Variants in PARD3 observed in about 807,000 individuals in gnomAD.
The protein encoded by PARD3 is par-3 family cell polarity regulator.
PARD3 carries 75 observed loss-of-function variants against 155.4 expected under a neutral mutation model. The ratio of observed to expected loss-of-function variants is 0.48; its 90% CI spans 0.40 to 0.58. The LOEUF is 0.58. Ranked by LOEUF, PARD3 falls within the 20% of genes least tolerant of loss-of-function variation. PARD3 has a pLI of 0.00. For synonymous variants in PARD3, 576 were observed against 610.5 expected, an observed-to-expected ratio of 0.94 and a Z score of 0.83; for missense variants, 1,642 against 1,721.7, an observed-to-expected ratio of 0.95 and a Z score of 0.82.
intron 1 of PARD3, among the ~76,000 whole-genome samples, chr10:34,719,748 G>C (rs2094574889): frequency 6.6e-6 from 1 of 152,176 alleles, no homozygotes; most frequent in African/African-American, 2.4e-5. Context: ...TGAACTTTAA[G>C]TTCAAGACTT....
intron 20 of PARD3, among the ~76,000 whole-genome samples, chr10:34,289,463 T>G (rs1956569282): frequency 6.6e-6 from 1 of 152,116 alleles, no homozygotes; most frequent in Non-Finnish European, 1.5e-5. Flanking sequence ...GTGCTGGGAC[T>G]ACAGGCGTGA....
At chr10:34,180,942 G>C (rs1009485411) in intron 22 of PARD3, among the ~76,000 whole-genome samples, 4 of 152,094 alleles carry the variant, frequency 2.6e-5, no homozygotes, top group African/African-American at 7.2e-5. Context: ...TGCGCTTGTG[G>C]AACAGGAGCA....
intron 2 of PARD3, among the ~76,000 whole-genome samples, chr10:34,519,855 CATA>C (rs2082025245): frequency 6.6e-6 from 1 of 151,108 alleles, no homozygotes; most frequent in African/African-American, 2.4e-5. Flanking sequence ...CATAACATAA[CATA>C]ACATAACATA....
intron 1 of PARD3, among the ~76,000 whole-genome samples, chr10:34,813,513 TAA>T (rs1004317827): frequency 2.0e-5 from 3 of 152,146 alleles, no homozygotes; most frequent in African/African-American, 7.2e-5. Flanking sequence ...TGATTTTCAA[TAA>T]AAGAGTTCAA....
intron 22 of PARD3, among the ~76,000 whole-genome samples, chr10:34,160,767 T>C (rs1489873128): frequency 1.3e-5 from 2 of 152,216 alleles, no homozygotes; most frequent in African/African-American, 4.8e-5. Flanking sequence ...GTTCACAGTA[T>C]GCAGTTATTG....
At chr10:34,420,109 A>C (rs1846049088) in intron 5 of PARD3, among the ~76,000 whole-genome samples, 1 of 151,990 alleles carries the variant, frequency 6.6e-6, no homozygotes, top group Non-Finnish European at 1.5e-5. Context: ...ATGCCACCAC[A>C]CTCGTCTGAT....
chr10:34,724,969 G>A (rs1331630918), intron 1 of PARD3, among the ~76,000 whole-genome samples: 1 of 152,186 alleles, frequency 6.6e-6, no homozygotes, highest in Non-Finnish European at 1.5e-5. Flanking sequence ...TGGAGCCTAG[G>A]AATTAACAGT....
intron 2 of PARD3, among the ~76,000 whole-genome samples, chr10:34,524,009 A>AT (rs941501807): frequency 7.9e-5 from 12 of 151,390 alleles, no homozygotes; most frequent in African/African-American, 7.3e-5. Flanking sequence ...TCTATCTCTT[A>AT]TTTTTTTTTA....
In PARD3 at chr10:34,814,729, G is replaced by A. The variant is rs1165492685; in HGVS notation, c.120+147C>T. On this transcript the variant is annotated intron_variant, in intron 1 of 24. Transcript: ENST00000374788. ...AGAACTTTGGCGCCCGCAGTCCGGG[G>A]CGGGGGGCGCCCGCGAGGCCCGACC... is the stretch of plus-strand genomic sequence containing the variant. The A allele has an allele frequency of 7.7e-6, 5 of 648,092 alleles. No homozygotes were observed. In the East Asian group the frequency reaches 1.4e-4, roughly 18 times the overall value. The allele number at this position is 648,092 out of a possible 1,614,324, so 40.1% of individuals were successfully genotyped here. A position where few individuals can be genotyped will look rare whatever the true frequency, so the allele number is the denominator to read the frequency against.
At chr10:34,351,653 C>T (rs1185976794) in intron 14 of PARD3, among the ~76,000 whole-genome samples, 2 of 152,226 alleles carry the variant, frequency 1.3e-5, no homozygotes, top group Non-Finnish European at 2.9e-5. Flanking sequence ...AGGTGAGCTC[C>T]TCAAGTCAGC....
intron 2 of PARD3, among the ~76,000 whole-genome samples, chr10:34,688,982 A>G (rs971913432): frequency 6.6e-6 from 1 of 152,188 alleles, no homozygotes; most frequent in African/African-American, 2.4e-5. Flanking sequence ...GTGAGCCTAA[A>G]TAGCAGCAGG....
At chr10:34,648,757 CT>C (rs1267162923) in intron 2 of PARD3, among the ~76,000 whole-genome samples, 1 of 152,162 alleles carries the variant, frequency 6.6e-6, no homozygotes, top group African/African-American at 2.4e-5. Flanking sequence ...TTGGGGACCC[CT>C]GATATAAACA....
intron 1 of PARD3, among the ~76,000 whole-genome samples, chr10:34,698,843 G>A (rs1477580414): frequency 1.3e-5 from 2 of 152,114 alleles, no homozygotes; most frequent in Non-Finnish European, 2.9e-5. Context: ...TTTACCTTCC[G>A]GTTATTATAC....
At chr10:34,533,274 G>A (rs751348147) in intron 2 of PARD3, among the ~76,000 whole-genome samples, 3 of 151,942 alleles carry the variant, frequency 2.0e-5, no homozygotes, top group Non-Finnish European at 4.4e-5. Context: ...AACACTACTA[G>A]AAGAGGGAGG....
intron 2 of PARD3, among the ~76,000 whole-genome samples, chr10:34,562,238 A>C (rs1213462730): frequency 6.7e-6 from 1 of 150,312 alleles, no homozygotes; most frequent in Non-Finnish European, 1.5e-5. Context: ...GGAGTTTGAG[A>C]CCAGCCTGGT....
intron 2 of PARD3, among the ~76,000 whole-genome samples, chr10:34,543,479 C>T (rs2133905152): frequency 6.6e-6 from 1 of 152,290 alleles, no homozygotes; most frequent in South Asian, 2.1e-4. Flanking sequence ...CAAAACGCAA[C>T]TTAAAGTTCT....
intron 5 of PARD3, among the ~76,000 whole-genome samples, chr10:34,404,389 G>A (rs1253478164): frequency 1.3e-5 from 2 of 152,124 alleles, no homozygotes; most frequent in Non-Finnish European, 2.9e-5. Context: ...AGTACTGGCC[G>A]GGTGAGGTGG....
At chr10:34,723,246 C>T (rs544248877) in intron 1 of PARD3, among the ~76,000 whole-genome samples, 1 of 152,054 alleles carries the variant, frequency 6.6e-6, no homozygotes, top group South Asian at 2.1e-4. Flanking sequence ...TGGGAGGCTG[C>T]GGCAGGAGAA....
intron 3 of PARD3, among the ~76,000 whole-genome samples, chr10:34,514,689 T>A (rs1368108337): frequency 6.6e-6 from 1 of 152,120 alleles, no homozygotes; most frequent in Non-Finnish European, 1.5e-5. Flanking sequence ...TTTTTCTCAA[T>A]AAAAACAAGA....
Sources: gnomAD v4.1 joint callset for allele counts (sites outside exome capture counted in the v4.1 genomes callset) on GRCh38, gnomAD v4.1.1 for gene constraint, MANE v1.5 for transcripts, NCBI Gene and HGNC (gene_info 2026-07-23, HGNC 2026-07-21) for gene names.